NEURL4: variants seen among roughly 807,000 people sequenced by gnomAD.
NEURL4 encodes the protein neuralized E3 ubiquitin protein ligase 4, also known as neuralized-like protein 4.
Under a neutral mutation model 148.0 loss-of-function variants are expected in NEURL4, and 45 were observed. That is an observed-to-expected ratio of 0.30 (90% CI 0.24 to 0.39). The LOEUF (loss-of-function observed/expected upper bound fraction) is 0.39, where lower values mean the gene tolerates loss of function less well. Among genes scored for constraint, NEURL4 ranks in the 10% least tolerant of loss-of-function variants. The pLI is 1.00. For missense variants in NEURL4, 1,776 were observed against 2,144.0 expected, an observed-to-expected ratio of 0.83 and a Z score of 3.39; for synonymous variants, 854 against 869.0, an observed-to-expected ratio of 0.98 and a Z score of 0.30.
In NEURL4 at chr17:7,316,625, C is replaced by T. The variant is rs571161683; in HGVS notation, c.4485-298G>A. Among the ~76,000 whole-genome samples, 5 of 152,274 alleles carry T rather than the reference C, an allele frequency of 3.3e-5. No homozygotes were observed. The East Asian group carries it at 5.8e-4, about 18-fold the overall frequency. On this transcript the variant is annotated intron_variant, in intron 28 of 28. Transcript: ENST00000399464. ...TGTTTCCATAGTCCTTACTTATTAC[C>T]TTTAAAAATACTAAATACTGGCGGG...
Position 7,324,762 on chromosome 17 carries a change from A to C in NEURL4, c.1813+37T>G. Reference sequence around the variant, plus strand: ...GGGCTTTGGGGATAGCTTCCCCCCAAAACCCTATCCTGTCCCTGCCCTTCC... The same window carrying C: ...GGGCTTTGGGGATAGCTTCCCCCCACAACCCTATCCTGTCCCTGCCCTTCC... On this transcript the variant is annotated intron_variant, in intron 9 of 28. Coordinates refer to ENST00000399464, the MANE Select transcript of NEURL4 (RefSeq NM_032442.3). The surrounding 1 kb of genome is among the most constrained non-coding windows in gnomAD (Gnocchi z 5.9). The C allele has an allele frequency of 6.2e-7, 1 of 1,608,140 alleles. No homozygotes were observed. The highest frequency in any genetic ancestry group is 8.5e-7 in the Non-Finnish European group (1 of 1,175,016).
At position 7,316,105 on chromosome 17, in the gene NEURL4, G is replaced by C. The variant is rs202014225; in HGVS notation, c.*18C>G. 4.5e-5 allele frequency: 58 copies of C among 1,275,290 alleles called. No individual in the cohort carries two copies. Among genetic ancestry groups the C allele is most frequent in the Non-Finnish European group, 6.2e-5 (54 of 870,708 alleles). The allele number at this position is 1,275,290 out of a possible 1,614,324, so 79.0% of individuals were successfully genotyped here. On this transcript the variant is annotated 3_prime_UTR_variant, in exon 29 of 29. Transcript: ENST00000399464. ...GGCCCGCGGCCCGACTGTGCTTGTA[G>C]TAGTGGTGTCTCACCCCTCATTCCA...
At chr17:7,325,494 G>A in intron 7 of NEURL4, 21 bp from the exon 8 acceptor site, 1 of 1,607,614 alleles carries the variant, frequency 6.2e-7, no homozygotes, top group Non-Finnish European at 8.5e-7. Flanking sequence ...AAGGTACGGG[G>A]GTGTGGGAGT....
chr17:7,324,663 C>A lies in NEURL4; in HGVS notation c.1813+136G>T, dbSNP rs187943596. 7 of 1,109,222 alleles carry A rather than the reference C, an allele frequency of 6.3e-6. No homozygotes were observed. The African/African-American group carries it at 7.7e-5, about 12-fold the overall frequency. The allele number at this position is 1,109,222 out of a possible 1,614,324, so 68.7% of individuals were successfully genotyped here. A position where few individuals can be genotyped will look rare whatever the true frequency, so the allele number is the denominator to read the frequency against. On this transcript the variant is annotated intron_variant, in intron 9 of 28. Coordinates refer to ENST00000399464, the MANE Select transcript of NEURL4 (RefSeq NM_032442.3). The surrounding 1 kb of genome is among the most constrained non-coding windows in gnomAD (Gnocchi z 5.9). ...TCCAAGACAGCCACAGCCCTGCCCA[C>A]GGGACACTCTCTAGCCACTGAATGA...
At position 7,327,944 on chromosome 17, in the gene NEURL4, CA is replaced by C. The variant is rs1227749906; in HGVS notation, c.283-61del. The C allele has an allele frequency of 1.5e-6, 2 of 1,312,290 alleles. No individual in the cohort carries two copies. Among genetic ancestry groups the C allele is most frequent in the African/African-American group, 2.9e-5 (2 of 67,816 alleles). 81.3% of individuals were successfully genotyped at this position (1,312,290 alleles called of 1,614,324 possible). On this transcript the variant is annotated intron_variant, in intron 1 of 28. Coordinates refer to ENST00000399464, the MANE Select transcript of NEURL4 (RefSeq NM_032442.3). The surrounding 1 kb of genome is among the most constrained non-coding windows in gnomAD (Gnocchi z 6.6). ...GGCCACCCCCCATTCCACAGGCCAC[CA>C]TATCTTCCCACCTCTCAGACAGCTA...
Position 7,318,651 on chromosome 17 carries a change from A to G in NEURL4, c.3708T>C (p.Asn1236=), listed in dbSNP as rs1477337895. The G allele has an allele frequency of 3.1e-6, 5 of 1,611,144 alleles. No homozygotes were observed. The South Asian group carries it at 5.5e-5, about 18-fold the overall frequency. The change falls in exon 23 of 29, where the codon AAT becomes AAC. Residue 1236 remains asparagine, a synonymous_variant. Coordinates refer to ENST00000399464, the MANE Select transcript of NEURL4 (RefSeq NM_032442.3). This position sits in a 1 kb window ranked among gnomAD's most constrained non-coding sequence, Gnocchi z 4.3. ...TGGTGCCTTCAGGGCACGTGTCCAG[A>G]TTGGGCCCAAACTTCTCGCAGATCT... is the stretch of plus-strand genomic sequence containing the variant. ...GLKICEKFGP[N]LDTCPEGTIL...
chr17:7,321,065 G>C lies in NEURL4; in HGVS notation c.3360+47C>G, dbSNP rs775808941. 1 of 1,601,422 alleles carries C rather than the reference G, an allele frequency of 6.2e-7. No homozygotes were observed. The highest frequency in any genetic ancestry group is 8.5e-7 in the Non-Finnish European group (1 of 1,171,890). On this transcript the variant is annotated intron_variant, in intron 20 of 28. Coordinates refer to ENST00000399464, the MANE Select transcript of NEURL4 (RefSeq NM_032442.3). This position sits in a 1 kb window ranked among gnomAD's most constrained non-coding sequence, Gnocchi z 6.3. ...AAAAGGCCTGGCATCCAACGGCCCA[G>C]CAACTGCCCATCCATGTGCACAGCA...
At chr17:7,319,453 C>A in intron 21 of NEURL4, among the ~76,000 whole-genome samples, 1 of 145,674 alleles carries the variant, frequency 6.9e-6, no homozygotes, top group Non-Finnish European at 1.5e-5. Flanking sequence ...GTAATCCCAG[C>A]ACTTTGGGAG....
chr17:7,323,445 C>T (rs927634798), intron 14 of NEURL4, 40 bp downstream of exon 14: 15 of 1,600,658 alleles, frequency 9.4e-6, no homozygotes, highest in African/African-American at 1.3e-5. Flanking sequence ...CAGCCAGCTC[C>T]ACTCAGCCCC....
In NEURL4 at chr17:7,324,755, C is replaced by T. The variant is rs757904865; in HGVS notation, c.1813+44G>A. On this transcript the variant is annotated intron_variant, in intron 9 of 28. Coordinates refer to ENST00000399464, the MANE Select transcript of NEURL4 (RefSeq NM_032442.3). This position sits in a 1 kb window ranked among gnomAD's most constrained non-coding sequence, Gnocchi z 5.9. ...AGTGCCAGGGCTTTGGGGATAGCTT[C>T]CCCCCAAAACCCTATCCTGTCCCTG... The T allele has an allele frequency of 4.8e-5, 76 of 1,588,866 alleles. No homozygotes were observed. The highest frequency in any genetic ancestry group is 6.4e-5 in the Non-Finnish European group (74 of 1,158,576).
At position 7,319,211 on chromosome 17, in the gene NEURL4, G is replaced by A; in HGVS notation, c.3526-3C>T. 1 of 1,608,482 alleles carries A rather than the reference G, an allele frequency of 6.2e-7. No individual in the cohort carries two copies. The highest frequency in any genetic ancestry group is 8.5e-7 in the Non-Finnish European group (1 of 1,176,674). ...CGGTTTAGGAAATCTATCCGCACCT[G>A]GGGAAGAAAGAACTACTCCATAATC... On this transcript the variant is annotated splice_region_variant and splice_polypyrimidine_tract_variant and intron_variant, in intron 21 of 28. Transcript: ENST00000399464.
In NEURL4 at chr17:7,327,370, G is replaced by A. The variant is rs1278964015; in HGVS notation, c.727+70C>T. The A allele has an allele frequency of 8.9e-6, 13 of 1,458,234 alleles. No homozygotes were observed. In the African/African-American group the frequency reaches 1.8e-4, roughly 21 times the overall value. 90.3% of individuals were successfully genotyped at this position (1,458,234 alleles called of 1,614,324 possible). A position where few individuals can be genotyped will look rare whatever the true frequency, so the allele number is the denominator to read the frequency against. On this transcript the variant is annotated intron_variant, in intron 2 of 28. Transcript: ENST00000399464. This position sits in a 1 kb window ranked among gnomAD's most constrained non-coding sequence, Gnocchi z 6.6. Reference sequence around the variant, plus strand: ...ATCAGGGTGGCCCTGCCCACACCCAGCCTGTCTTGTCACTCTATTTCCCCC... The same window carrying A: ...ATCAGGGTGGCCCTGCCCACACCCAACCTGTCTTGTCACTCTATTTCCCCC...
rs900307968 is a variant in NEURL4, at chr17:7,325,157, C to T, written c.1631+52G>A. ...CTTCCACTTCCTTGCCCCGCCCCCC[C>T]CCCCCCATTAGAATCCCTTCTTCAG... is the stretch of plus-strand genomic sequence containing the variant. On this transcript the variant is annotated intron_variant, in intron 8 of 28. Transcript: ENST00000399464. The T allele has an allele frequency of 1.2e-5, 9 of 757,614 alleles. 2 individuals carry two copies. The highest frequency in any genetic ancestry group is 4.7e-5 in the South Asian group (3 of 64,146). The allele number at this position is 757,614 out of a possible 1,614,324, so 46.9% of individuals were successfully genotyped here.
At position 7,320,887 on chromosome 17, in the gene NEURL4, C is replaced by T. The variant is rs753160907; in HGVS notation, c.3397G>A (p.Glu1133Lys). 8 of 1,613,892 alleles carry T rather than the reference C, an allele frequency of 5.0e-6. No homozygotes were observed. Among genetic ancestry groups the T allele is most frequent in the East Asian group, 4.5e-5 (2 of 44,892 alleles). ...NEVGIIPTTL[E>K]FLENHGKNIL... Reference sequence around the variant, plus strand: ...TTCTTCCCATGGTTCTCCAGGAACTCGAGGGTGGTGGGTATAATACCCACT... The same window carrying T: ...TTCTTCCCATGGTTCTCCAGGAACTTGAGGGTGGTGGGTATAATACCCACT... Residue 1133 changes from glutamate to lysine, a missense_variant, in exon 21 of 29, where the codon GAG becomes AAG. Glu to Lys is a moderately conservative substitution (Grantham distance 56). Transcript: ENST00000399464.
chr17:7,323,748 A>G (rs889147314), intron 12 of NEURL4, 25 bp from the exon 13 acceptor site: 3 of 1,613,990 alleles, frequency 1.9e-6, no homozygotes, highest in Non-Finnish European at 2.5e-6. Flanking sequence ...GCGATCAGAG[A>G]GGCTCTACTT....
chr17:7,315,965 C>T lies in NEURL4; in HGVS notation c.*158G>A. 1.6e-6 allele frequency: 1 copy of T among 615,198 alleles called. No homozygotes were observed. The highest frequency in any genetic ancestry group is 2.9e-6 in the Non-Finnish European group (1 of 340,874). 38.1% of individuals were successfully genotyped at this position (615,198 alleles called of 1,614,324 possible). On this transcript the variant is annotated 3_prime_UTR_variant, in exon 29 of 29. Coordinates refer to ENST00000399464, the MANE Select transcript of NEURL4 (RefSeq NM_032442.3). ...TCCGGACATGGAGCTGTGCCACTTG[C>T]CACCTACATCTGAGAGCCTGCCTAC...
At chr17:7,316,734 C>T (rs906963794) in intron 28 of NEURL4, among the ~76,000 whole-genome samples, 8 of 152,114 alleles carry the variant, frequency 5.3e-5, no homozygotes, top group East Asian at 1.9e-4. Flanking sequence ...CCATCCTGGC[C>T]AACATGGCGA....
chr17:7,325,459 A>G lies in NEURL4; in HGVS notation c.1381T>C (p.Leu461=). Residue 461 remains leucine, a synonymous_variant, in exon 8 of 29, where the codon TTG becomes CTG. Coordinates refer to ENST00000399464, the MANE Select transcript of NEURL4 (RefSeq NM_032442.3). ...NGIDQGVATP[L]TPPVVYGVVD... Reference sequence around the variant, plus strand: ...ACACCATACACCACTGGGGGCGTCAAGGGGGTTGCCACTCCTGTGGCAGGA... The same window carrying G: ...ACACCATACACCACTGGGGGCGTCAGGGGGGTTGCCACTCCTGTGGCAGGA... 6.2e-7 allele frequency: 1 copy of G among 1,611,614 alleles called. No homozygotes were observed. The highest frequency in any genetic ancestry group is 8.5e-7 in the Non-Finnish European group (1 of 1,179,836).
chr17:7,318,105 A>G lies in NEURL4; in HGVS notation c.4020T>C (p.His1340=), dbSNP rs2072975410. The change falls in exon 25 of 29, where the codon CAT becomes CAC. Residue 1340 remains histidine, a synonymous_variant. Coordinates refer to ENST00000399464, the MANE Select transcript of NEURL4 (RefSeq NM_032442.3). This position sits in a 1 kb window ranked among gnomAD's most constrained non-coding sequence, Gnocchi z 4.3. ...GTTCTTGGAAGCGAGAGCAAAGGGC[A>G]TGGTACTCGCAGCTCTTTAGAGGAC... ...AASPLKSCEY[H]ALCSRFQELL... The G allele has an allele frequency of 1.9e-6, 3 of 1,614,206 alleles. No homozygotes were observed. In the East Asian group the frequency reaches 6.7e-5, roughly 36 times the overall value.
Sources: gnomAD v4.1 joint callset for allele counts (sites outside exome capture counted in the v4.1 genomes callset) on GRCh38, gnomAD v4.1.1 for gene constraint, Gnocchi (gnomAD v3.1) non-coding constraint, MANE v1.5 for transcripts, NCBI Gene and HGNC (gene_info 2026-07-23, HGNC 2026-07-21) for gene names.